Variants in PEPD observed in about 807,000 individuals in gnomAD.
PEPD encodes the protein peptidase D.
PEPD carries 53 observed loss-of-function variants against 60.7 expected under a neutral mutation model. That is an observed-to-expected ratio of 0.87 (90% CI 0.70 to 1.10). The LOEUF is 1.10. Ranked by LOEUF, PEPD falls within the 50% of genes least tolerant of loss-of-function variation. PEPD has a pLI of 0.00. For synonymous variants in PEPD, 267 were observed against 284.1 expected (o/e 0.94, Z 0.60); for missense variants, 711 against 711.9 (o/e 1.00, Z 0.01).
intron 3 of PEPD, among the ~76,000 whole-genome samples, chr19:33,507,311 C>T (rs1411865335): frequency 6.6e-6 from 1 of 152,150 alleles, no homozygotes; most frequent in Admixed American, 6.5e-5. Flanking sequence ...CTAAGCCCAA[C>T]TCCGATGAAA....
chr19:33,421,657 A>AT (rs894069734), intron 9 of PEPD, among the ~76,000 whole-genome samples: 4 of 151,628 alleles, frequency 2.6e-5, no homozygotes, highest in African/African-American at 9.7e-5. Context: ...TGCCCAGCTA[A>AT]TTTTTTTTAT....
intron 9 of PEPD, among the ~76,000 whole-genome samples, chr19:33,435,660 G>A (rs1371359464): frequency 3.3e-5 from 5 of 152,262 alleles, no homozygotes; most frequent in Non-Finnish European, 7.3e-5. Context: ...TGACAGCCAC[G>A]CTTTGGCTGT....
intron 4 of PEPD, among the ~76,000 whole-genome samples, chr19:33,495,826 A>C (rs1265488248): frequency 6.6e-6 from 1 of 152,056 alleles, no homozygotes; most frequent in East Asian, 1.9e-4. Context: ...TCTCTATTAA[A>C]AATACAAAAA....
At chr19:33,402,913 G>T (rs1164474283) in intron 11 of PEPD, among the ~76,000 whole-genome samples, 2 of 152,212 alleles carry the variant, frequency 1.3e-5, no homozygotes, top group Admixed American at 6.5e-5. Flanking sequence ...TGGATGCCCT[G>T]TAAGAGGGAC....
intron 6 of PEPD, among the ~76,000 whole-genome samples, chr19:33,488,620 C>T (rs1208489193): frequency 6.6e-6 from 1 of 152,114 alleles, no homozygotes; most frequent in Non-Finnish European, 1.5e-5. Context: ...GAGGCGGGGC[C>T]GCTTTGGGGA....
At chr19:33,469,489 C>G (rs1371616242) in intron 7 of PEPD, among the ~76,000 whole-genome samples, 1 of 152,206 alleles carries the variant, frequency 6.6e-6, no homozygotes, top group Non-Finnish European at 1.5e-5. Context: ...ACTCCTACTT[C>G]TTGGAGCGCG....
intron 9 of PEPD, among the ~76,000 whole-genome samples, chr19:33,436,858 T>G (rs900747764): frequency 6.6e-6 from 1 of 152,174 alleles, no homozygotes; most frequent in African/African-American, 2.4e-5. Context: ...ACCAGCCATG[T>G]GATGCCTCGC....
At chr19:33,399,901 C>G (rs1968449811) in intron 12 of PEPD, among the ~76,000 whole-genome samples, 1 of 152,144 alleles carries the variant, frequency 6.6e-6, no homozygotes, top group Non-Finnish European at 1.5e-5. Flanking sequence ...CTGAAGTGGA[C>G]TCTGCCTTGG....
intron 3 of PEPD, among the ~76,000 whole-genome samples, chr19:33,506,299 CCA>C (rs1385228908): frequency 1.5e-5 from 2 of 133,246 alleles, no homozygotes; most frequent in East Asian, 2.4e-4. Flanking sequence ...ACTCACACAC[CCA>C]CTCTCATCAC....
At chr19:33,450,032 C>G (rs1054094927) in intron 9 of PEPD, among the ~76,000 whole-genome samples, 1 of 152,234 alleles carries the variant, frequency 6.6e-6, no homozygotes, top group Non-Finnish European at 1.5e-5. Flanking sequence ...GCAGACCAGC[C>G]TTGCTGGTGG....
intron 3 of PEPD, among the ~76,000 whole-genome samples, chr19:33,501,219 T>C (rs1034646468): frequency 2.6e-5 from 4 of 152,080 alleles, no homozygotes; most frequent in African/African-American, 9.7e-5. Context: ...CACAGCTGCT[T>C]TCCTCAGCAA....
chr19:33,492,043 CAAAAAAAAAAAA>C (rs757173823), intron 5 of PEPD, among the ~76,000 whole-genome samples: 2 of 81,560 alleles, frequency 2.5e-5, no homozygotes, highest in African/African-American at 8.5e-5. Flanking sequence ...TATTCCATTT[CAAAAAAAAAAAA>C]AAAAAAAGAC....
chr19:33,398,678 A>G lies in PEPD; in HGVS notation c.967+3043T>C, dbSNP rs1047443411. On this transcript the variant is annotated intron_variant, in intron 12 of 14. Coordinates refer to ENST00000244137, the MANE Select transcript of PEPD (RefSeq NM_000285.4). ...CAAGAAATTCTCATCCCCAGAATGA[A>G]GGAAGGAGAAGGAGTGGCGCCCCTG... Among the ~76,000 whole-genome samples, 3 of 152,382 alleles carry G rather than the reference A, an allele frequency of 2.0e-5. No homozygotes were observed. The East Asian group carries it at 5.8e-4, about 29-fold the overall frequency.
chr19:33,390,791 G>A (rs534716469), intron 13 of PEPD, among the ~76,000 whole-genome samples: 39 of 152,336 alleles, frequency 2.6e-4, no homozygotes, highest in South Asian at 6.2e-4. Flanking sequence ...CCAGGTGTGC[G>A]GCCCAGGGGC....
At chr19:33,459,430 G>A (rs1031891563) in intron 9 of PEPD, among the ~76,000 whole-genome samples, 21 of 152,144 alleles carry the variant, frequency 1.4e-4, no homozygotes, top group African/African-American at 4.3e-4. Flanking sequence ...GGATCCGGCC[G>A]CCAGCCCCAC....
At chr19:33,456,555 C>A (rs1012221503) in intron 9 of PEPD, among the ~76,000 whole-genome samples, 2 of 152,156 alleles carry the variant, frequency 1.3e-5, no homozygotes, top group African/African-American at 4.8e-5. Context: ...TTTCTCCAGC[C>A]CAGACCTGTG....
Position 33,493,350 on chromosome 19 carries a change from A to G in PEPD, c.394-13T>C. On this transcript the variant is annotated splice_polypyrimidine_tract_variant and intron_variant, in intron 4 of 14. Coordinates refer to ENST00000244137, the MANE Select transcript of PEPD (RefSeq NM_000285.4). ...GGACGCTGGCAATCTAGAAGGTCGG[A>G]AAGAAAAACCCACTTTAGAGGCACC... 1 of 1,608,782 alleles carries G rather than the reference A, an allele frequency of 6.2e-7. No individual in the cohort carries two copies.
chr19:33,464,192 G>T, intron 7 of PEPD, 130 bp from the exon 8 acceptor site: 1 of 725,600 alleles, frequency 1.4e-6, no homozygotes, highest in Non-Finnish European at 2.5e-6. Context: ...AGGCCAGAGT[G>T]GGGCCACCAA....
At chr19:33,476,226 A>C (rs1970210680) in intron 7 of PEPD, among the ~76,000 whole-genome samples, 1 of 152,168 alleles carries the variant, frequency 6.6e-6, no homozygotes, top group South Asian at 2.1e-4. Context: ...CTGTCTTCAC[A>C]GAGTGTGGCT....
Sources: gnomAD v4.1 joint callset for allele counts (sites outside exome capture counted in the v4.1 genomes callset) on GRCh38, gnomAD v4.1.1 for gene constraint, MANE v1.5 for transcripts, NCBI Gene and HGNC (gene_info 2026-07-23, HGNC 2026-07-21) for gene names.